PTPRD: variants seen among roughly 807,000 people sequenced by gnomAD.
The protein encoded by PTPRD is receptor-type tyrosine-protein phosphatase delta.
A neutral mutation model predicts 214.5 loss-of-function variants in PTPRD; 34 were observed. That is an observed-to-expected ratio of 0.16 (90% CI 0.12 to 0.21). PTPRD has a LOEUF of 0.21. Ranked by LOEUF, PTPRD falls within the 10% of genes least tolerant of loss-of-function variation. PTPRD has a pLI of 1.00. For missense variants in PTPRD, 2,545 were observed against 2,398.7 expected (o/e 1.06, Z -1.27); for synonymous variants, 1,128 against 845.7 (o/e 1.33, Z -5.79).
chr9:10,539,402 C>G (rs2058599030), intron 2 of PTPRD, among the ~76,000 whole-genome samples: 1 of 152,264 alleles, frequency 6.6e-6, no homozygotes, highest in South Asian at 2.1e-4. Flanking sequence ...CCAGGCTGGT[C>G]TCAAACTCCT....
intron 2 of PTPRD, among the ~76,000 whole-genome samples, chr9:10,583,258 C>T (rs140056234): frequency 3.9e-5 from 6 of 152,116 alleles, no homozygotes; most frequent in African/African-American, 1.4e-4. Context: ...GCACAAATAG[C>T]GGGTGACCTA....
In PTPRD at chr9:9,175,630, A is replaced by ACAAACAAAC. The variant is rs145486992; in HGVS notation, c.-143+7673_-143+7674insGTTTGTTTG. On this transcript the variant is annotated intron_variant, in intron 10 of 45. Coordinates refer to ENST00000381196, the MANE Select transcript of PTPRD (RefSeq NM_002839.4). ...AGAGTGAGACTCTGTCTCAAAAAAA[A>ACAAACAAAC]AAAAAAAAAAAAAAAAAAAAGAGTT... Among the ~76,000 whole-genome samples the ACAAACAAAC allele has an allele frequency of 4.7e-4, 67 of 141,776 alleles. 2 individuals are homozygous for ACAAACAAAC. Among genetic ancestry groups the ACAAACAAAC allele is most frequent in the African/African-American group, 1.5e-3 (57 of 38,016 alleles). 93.0% of individuals were successfully genotyped at this position (141,776 alleles called of 152,430 possible). A position where few individuals can be genotyped will look rare whatever the true frequency, so the allele number is the denominator to read the frequency against.
chr9:9,974,412 C>A (rs560101859), intron 4 of PTPRD, among the ~76,000 whole-genome samples: 1 of 152,306 alleles, frequency 6.6e-6, no homozygotes, highest in Admixed American at 6.5e-5. Context: ...GAATAAAATT[C>A]ATTTAACAGT....
rs1352456763 is a variant in PTPRD, at chr9:9,153,774, T to C, written c.-143+29530A>G. Among the ~76,000 whole-genome samples the C allele has an allele frequency of 2.6e-5, 4 of 152,154 alleles. No homozygotes were observed. In the East Asian group the frequency reaches 5.8e-4, roughly 22 times the overall value. Reference sequence around the variant, plus strand: ...AAAAATCAACATTCATCTACTGCAGTGTTCCACAGCCAAAATCCAATAAAA... The same window carrying C: ...AAAAATCAACATTCATCTACTGCAGCGTTCCACAGCCAAAATCCAATAAAA... On this transcript the variant is annotated intron_variant, in intron 10 of 45. Transcript: ENST00000381196.
chr9:9,765,383 A>G (rs74564805), intron 6 of PTPRD, among the ~76,000 whole-genome samples: 2,097 of 152,264 alleles, frequency 0.014, 61 homozygotes, highest in African/African-American at 0.047. Flanking sequence ...ATTACTAATG[A>G]TAGTATATAT....
In PTPRD at chr9:8,813,056, G is replaced by C. The variant is rs1295093281; in HGVS notation, c.-103-79110C>G. On this transcript the variant is annotated intron_variant, in intron 11 of 45. Transcript: ENST00000381196. ...AATAGGATCTACACTGCATAGCTAT[G>C]AAATGGCAGGAAGGTCATGCCTGGC... Among the ~76,000 whole-genome samples the C allele has an allele frequency of 2.0e-5, 3 of 152,150 alleles. No individual in the cohort carries two copies. In the East Asian group the frequency reaches 5.8e-4, roughly 29 times the overall value.
In PTPRD at chr9:9,985,127, A is replaced by G. The variant is rs141415041; in HGVS notation, c.-471-46517T>C. The stretch of plus-strand genomic sequence containing the variant: ...ATGAAATAACACTTATGCTTTCTCT[A>G]CTTCAATTCTGTGGGTTACAACCAG... On this transcript the variant is annotated intron_variant, in intron 4 of 45. Transcript: ENST00000381196. 2.0e-4 allele frequency among the ~76,000 whole-genome samples: 30 copies of G among 152,330 alleles called. No homozygotes were observed. The East Asian group carries it at 3.9e-3, about 20-fold the overall frequency.
intron 10 of PTPRD, among the ~76,000 whole-genome samples, chr9:9,110,783 C>T (rs1591786578): frequency 6.6e-6 from 1 of 152,130 alleles, no homozygotes; most frequent in African/African-American, 2.4e-5. Context: ...AAGCCAGAGT[C>T]AGCAACTATA....
At position 8,460,482 on chromosome 9, in the gene PTPRD, G is replaced by T. The variant is rs370999542; in HGVS notation, c.3804C>A (p.Ile1268=). ...QPITDEEEGL[I]WVVGPVLAVV... ...CTGCAAGGACAGGACCTACAACCCA[G>T]ATCAAGCCTTCTTCTTCATCCGTGA... The change falls in exon 33 of 46, where the codon ATC becomes ATA. Residue 1268 remains isoleucine, a synonymous_variant. Transcript: ENST00000381196. The T allele has an allele frequency of 1.9e-6, 3 of 1,613,450 alleles. No homozygotes were observed. Among genetic ancestry groups the T allele is most frequent in the African/African-American group, 2.7e-5 (2 of 74,860 alleles).
chr9:9,998,623 T>C (rs1567001690), intron 4 of PTPRD, among the ~76,000 whole-genome samples: 1 of 151,416 alleles, frequency 6.6e-6, no homozygotes. Flanking sequence ...CTCAACATAA[T>C]GTGGCAGGAT....
At chr9:10,473,617 G>C (rs1010179442) in intron 2 of PTPRD, among the ~76,000 whole-genome samples, 2 of 152,002 alleles carry the variant, frequency 1.3e-5, no homozygotes, top group Non-Finnish European at 1.5e-5. Context: ...GTTGATTTTT[G>C]AGTAGGTACA....
chr9:8,688,362 C>G (rs1043808848), intron 12 of PTPRD, among the ~76,000 whole-genome samples: 29 of 151,764 alleles, frequency 1.9e-4, no homozygotes, highest in Admixed American at 1.9e-3. Context: ...TTCAGGAGAT[C>G]GAGACTATCC....
intron 2 of PTPRD, among the ~76,000 whole-genome samples, chr9:10,585,172 G>A (rs548708523): frequency 6.6e-6 from 1 of 152,106 alleles, no homozygotes; most frequent in South Asian, 2.1e-4. Flanking sequence ...AGTGATGAAT[G>A]GGAGAAGGAA....
chr9:9,908,188 T>A (rs925730263), intron 5 of PTPRD, among the ~76,000 whole-genome samples: 1 of 152,034 alleles, frequency 6.6e-6, no homozygotes, highest in Admixed American at 6.6e-5. Context: ...TGGTAAATTC[T>A]GGAATAAAAA....
chr9:8,724,404 T>G (rs886164501), intron 12 of PTPRD, among the ~76,000 whole-genome samples: 3 of 152,208 alleles, frequency 2.0e-5, no homozygotes, highest in Admixed American at 2.0e-4. Flanking sequence ...TCTATCACCC[T>G]GGTCCCTTGT....
At chr9:9,605,568 C>A (rs761677392) in intron 7 of PTPRD, among the ~76,000 whole-genome samples, 2 of 152,014 alleles carry the variant, frequency 1.3e-5, no homozygotes, top group Non-Finnish European at 2.9e-5. Flanking sequence ...TAGACTTTAA[C>A]TTGTAGGCAA....
At chr9:8,929,403 T>G (rs2098928518) in intron 11 of PTPRD, among the ~76,000 whole-genome samples, 1 of 152,072 alleles carries the variant, frequency 6.6e-6, no homozygotes, top group Non-Finnish European at 1.5e-5. Context: ...CATGAAGTTG[T>G]GTTGAATTTT....
chr9:9,519,741 A>G lies in PTPRD; in HGVS notation c.-237+54991T>C, dbSNP rs150334809. On this transcript the variant is annotated intron_variant, in intron 8 of 45. Coordinates refer to ENST00000381196, the MANE Select transcript of PTPRD (RefSeq NM_002839.4). ...ATGGAGATATACAAGATGGTTCATC[A>G]ATTGAAAGACTCAATATTATCAAAA... is the stretch of plus-strand genomic sequence containing the variant. Among the ~76,000 whole-genome samples the G allele has an allele frequency of 2.4e-4, 36 of 152,200 alleles. 1 individual carries two copies. In the East Asian group the frequency reaches 6.9e-3, roughly 29 times the overall value.
At chr9:9,155,544 C>A (rs761371581) in intron 10 of PTPRD, among the ~76,000 whole-genome samples, 2 of 152,138 alleles carry the variant, frequency 1.3e-5, no homozygotes, top group Non-Finnish European at 2.9e-5. Context: ...TCATAATCAA[C>A]ATTGCTTATT....
Sources: allele counts gnomAD v4.1 joint callset (sites outside exome capture counted in the v4.1 genomes callset), GRCh38; gene constraint gnomAD v4.1.1; transcripts MANE v1.5; gene names NCBI Gene and HGNC (gene_info 2026-07-23, HGNC 2026-07-21).